Variants in ROBO1 observed in about 807,000 individuals in gnomAD.
ROBO1 encodes roundabout homolog 1.
Under a neutral mutation model 195.9 loss-of-function variants are expected in ROBO1, and 149 were observed. That is an observed-to-expected ratio of 0.76 (90% CI 0.67 to 0.87). The LOEUF (loss-of-function observed/expected upper bound fraction) is 0.87. ROBO1 is among the 40% of genes least tolerant of loss of function. The pLI, the probability that ROBO1 is intolerant of heterozygous loss-of-function variation, is 0.00. For synonymous variants in ROBO1, 816 were observed against 733.2 expected, an observed-to-expected ratio of 1.11 and a Z score of -1.82; for missense variants, 1,933 against 2,068.3, an observed-to-expected ratio of 0.93 and a Z score of 1.27.
intron 4 of ROBO1, among the ~76,000 whole-genome samples, chr3:78,792,742 T>C (rs2084058611): frequency 6.6e-6 from 1 of 152,214 alleles, no homozygotes; most frequent in South Asian, 2.1e-4. Context: ...TCCTCTTGTA[T>C]ATTTTCATAT....
chr3:79,052,751 C>A (rs1302188667), intron 3 of ROBO1, among the ~76,000 whole-genome samples: 1 of 152,094 alleles, frequency 6.6e-6, no homozygotes, highest in South Asian at 2.1e-4. Flanking sequence ...TGACATCTGG[C>A]ACCCACATGG....
intron 3 of ROBO1, among the ~76,000 whole-genome samples, chr3:78,973,631 A>G (rs2076823051): frequency 6.8e-6 from 1 of 147,838 alleles, no homozygotes; most frequent in Admixed American, 6.8e-5. Flanking sequence ...TTGAAGGTAA[A>G]CTTTTTTGCA....
intron 2 of ROBO1, among the ~76,000 whole-genome samples, chr3:79,236,676 C>A (rs143621845): frequency 7.9e-4 from 120 of 152,142 alleles, no homozygotes; most frequent in South Asian, 2.3e-3. Flanking sequence ...TTTGCAGAGA[C>A]ATATCTAAAG....
intron 2 of ROBO1, among the ~76,000 whole-genome samples, chr3:79,488,895 T>A (rs1283187054): frequency 1.3e-5 from 2 of 152,168 alleles, no homozygotes; most frequent in Non-Finnish European, 2.9e-5. Context: ...TGCCCTTGGA[T>A]GCTTTATTTA....
In ROBO1 at chr3:79,629,945, T is replaced by C. The variant is rs142674491; in HGVS notation, c.-50-39984A>G. Reference sequence around the variant, plus strand: ...CTCTCAATATTGAACCAAGAAGAAATAGAAAGGCTGAACAGACCAACAATG... The same window carrying C: ...CTCTCAATATTGAACCAAGAAGAAACAGAAAGGCTGAACAGACCAACAATG... On this transcript the variant is annotated intron_variant, in intron 1 of 30. Transcript: ENST00000464233. 4.9e-4 allele frequency among the ~76,000 whole-genome samples: 75 copies of C among 151,696 alleles called. No individual in the cohort carries two copies. The East Asian group carries it at 6.4e-3, about 13-fold the overall frequency.
intron 2 of ROBO1, among the ~76,000 whole-genome samples, chr3:79,553,543 C>T (rs1942596532): frequency 6.6e-6 from 1 of 152,054 alleles, no homozygotes; most frequent in Admixed American, 6.6e-5. Flanking sequence ...AAAGTGTTTA[C>T]TGTGTGGTCA....
rs999840225 is a variant in ROBO1 at position 78,685,920 on chromosome 3, A to G, written c.1171-3T>C. ...GGTTGATATGAGAAAAGTAGATTCTAGAACCCAGAAATTGGGATGGAGGAA... is the reference window on the plus strand; with the variant it reads ...GGTTGATATGAGAAAAGTAGATTCTGGAACCCAGAAATTGGGATGGAGGAA... On this transcript the variant is annotated splice_region_variant and splice_polypyrimidine_tract_variant and intron_variant, in intron 9 of 30. Transcript: ENST00000464233. 6.4e-7 allele frequency: 1 copy of G among 1,562,554 alleles called. No homozygotes were observed. The highest frequency in any genetic ancestry group is 8.7e-7 in the Non-Finnish European group (1 of 1,149,140).
chr3:79,590,110 T>G (rs1297690805), intron 1 of ROBO1, 149 bp from the exon 2 acceptor site: 7 of 442,238 alleles, frequency 1.6e-5, no homozygotes, highest in Non-Finnish European at 1.6e-5. Context: ...GAATATGAAT[T>G]GTATAGATAT....
chr3:78,704,628 G>A (rs1180644598), intron 8 of ROBO1, among the ~76,000 whole-genome samples: 4 of 107,636 alleles, frequency 3.7e-5, no homozygotes, highest in Non-Finnish European at 7.4e-5. Context: ...ACACACACAC[G>A]AGTCTGGACA....
chr3:79,558,316 T>A (rs1183768229), intron 2 of ROBO1, among the ~76,000 whole-genome samples: 1 of 152,226 alleles, frequency 6.6e-6, no homozygotes, highest in Admixed American at 6.5e-5. Flanking sequence ...GGAACACTCT[T>A]ATGATAATCC....
chr3:79,186,521 T>C (rs563261300), intron 2 of ROBO1, among the ~76,000 whole-genome samples: 79 of 152,136 alleles, frequency 5.2e-4, no homozygotes, highest in Non-Finnish European at 9.3e-4. Context: ...CGTTTCTCAA[T>C]CTGGGCCCTG....
At chr3:79,756,940 T>C (rs1704438235) in intron 1 of ROBO1, among the ~76,000 whole-genome samples, 1 of 152,224 alleles carries the variant, frequency 6.6e-6, no homozygotes, top group Non-Finnish European at 1.5e-5. Flanking sequence ...ATTTTATTTA[T>C]CATAATGTTT....
chr3:78,847,409 C>T (rs570479712), intron 4 of ROBO1, among the ~76,000 whole-genome samples: 4 of 152,162 alleles, frequency 2.6e-5, no homozygotes, highest in African/African-American at 4.8e-5. Flanking sequence ...GCTGGTAGCT[C>T]GTGGAGATTA....
intron 2 of ROBO1, among the ~76,000 whole-genome samples, chr3:79,500,474 ATTG>A (rs1940010377): frequency 6.6e-6 from 1 of 152,188 alleles, no homozygotes; most frequent in African/African-American, 2.4e-5. Context: ...GCTGAGCTCC[ATTG>A]TTGTTGATGT....
chr3:79,107,106 T>TTC (rs1162609873), intron 3 of ROBO1, among the ~76,000 whole-genome samples: 1,750 of 125,288 alleles, frequency 0.014, 32 homozygotes, highest in African/African-American at 0.043. Context: ...ACCTCTCTCT[T>TTC]TCTCTCTCTC....
At chr3:78,793,960 T>C (rs1014666977) in intron 4 of ROBO1, among the ~76,000 whole-genome samples, 2 of 152,222 alleles carry the variant, frequency 1.3e-5, no homozygotes, top group South Asian at 2.1e-4. Context: ...TGTTTTTAAC[T>C]AGATCCTCAT....
intron 7 of ROBO1, among the ~76,000 whole-genome samples, chr3:78,715,756 G>A (rs1232866462): frequency 2.6e-5 from 4 of 152,088 alleles, no homozygotes; most frequent in Non-Finnish European, 4.4e-5. Flanking sequence ...GGCTGGTCTC[G>A]AACTCCTGAC....
At chr3:79,603,807 C>T (rs1009354239) in intron 1 of ROBO1, among the ~76,000 whole-genome samples, 7 of 151,928 alleles carry the variant, frequency 4.6e-5, no homozygotes, top group Non-Finnish European at 7.4e-5. Flanking sequence ...GATGTACTGA[C>T]ATTTATTGAA....
chr3:79,391,509 G>A (rs1246206125), intron 2 of ROBO1, among the ~76,000 whole-genome samples: 1 of 151,944 alleles, frequency 6.6e-6, no homozygotes, highest in Non-Finnish European at 1.5e-5. Context: ...ATGTGTTTTG[G>A]CCAATCAGCA....
Sources: allele counts gnomAD v4.1 joint callset (sites outside exome capture counted in the v4.1 genomes callset), GRCh38; gene constraint gnomAD v4.1.1; transcripts MANE v1.5; gene names NCBI Gene and HGNC (gene_info 2026-07-23, HGNC 2026-07-21).